Variants in PHACTR1 observed in about 807,000 individuals in gnomAD.
The protein encoded by PHACTR1 is phosphatase and actin regulator 1, also known as RPEL repeat containing 1.
PHACTR1 carries 16 observed loss-of-function variants against 69.2 expected under a neutral mutation model. The observed-to-expected ratio is 0.23, with a 90% CI of 0.16 to 0.35. PHACTR1 has a LOEUF of 0.35. Among genes scored for constraint, PHACTR1 ranks in the 10% least tolerant of loss-of-function variants. The probability of loss-of-function intolerance (pLI) is 1.00; values close to 1 mark genes in which losing one functional copy is unlikely to be tolerated. For missense variants in PHACTR1, 510 were observed against 734.7 expected (o/e 0.69, Z 3.54); for synonymous variants, 312 against 284.5 (o/e 1.10, Z -0.97).
intron 3 of PHACTR1, among the ~76,000 whole-genome samples, chr6:12,720,847 C>T (rs1311340842): frequency 6.6e-6 from 1 of 152,202 alleles, no homozygotes; most frequent in African/African-American, 2.4e-5. Flanking sequence ...CACCTAATCC[C>T]GTTTTCTCCT....
At chr6:13,178,320 A>T (rs1344673681) in intron 6 of PHACTR1, among the ~76,000 whole-genome samples, 1 of 152,190 alleles carries the variant, frequency 6.6e-6, no homozygotes, top group Non-Finnish European at 1.5e-5. Context: ...TGTCTGTCCC[A>T]TGTTAGCCAC....
intron 4 of PHACTR1, among the ~76,000 whole-genome samples, chr6:12,777,863 C>T (rs187023195): frequency 5.2e-4 from 79 of 152,268 alleles, no homozygotes; most frequent in Admixed American, 2.2e-3. Context: ...AACTCCTGAC[C>T]TCAGGTGATC....
At chr6:12,916,716 T>C (rs11964523) in intron 4 of PHACTR1, among the ~76,000 whole-genome samples, 1,947 of 152,302 alleles carry the variant, frequency 0.013, 47 homozygotes, top group African/African-American at 0.044. Flanking sequence ...ATGGTCAGGA[T>C]ACCTATCTTG....
rs1767147352 is a variant in PHACTR1, at chr6:12,755,078, GTTGGGTAATTAGATTTTC to G, written c.250+5291_250+5308del. ...GAAACAACTTGAACACAGAATCTAT[GTTGGGTAATTAGATTTTC>G]TTAGACTCTTTGGTCTGAGCATCAT... On this transcript the variant is annotated intron_variant, in intron 4 of 14. Transcript: ENST00000332995. 3.9e-5 allele frequency among the ~76,000 whole-genome samples: 6 copies of G among 152,272 alleles called. No individual in the cohort carries two copies. In the South Asian group the frequency reaches 8.3e-4, roughly 21 times the overall value.
intron 4 of PHACTR1, among the ~76,000 whole-genome samples, chr6:12,830,092 G>A (rs1393457103): frequency 7.3e-5 from 8 of 109,144 alleles, no homozygotes; most frequent in African/African-American, 3.0e-4. Flanking sequence ...AAGGAAGGAG[G>A]GAAAGAAAGA....
At chr6:12,940,537 A>G (rs1216534859) in intron 4 of PHACTR1, among the ~76,000 whole-genome samples, 1 of 152,236 alleles carries the variant, frequency 6.6e-6, no homozygotes, top group African/African-American at 2.4e-5. Context: ...AATTCGTAAT[A>G]GATGAAAAGC....
intron 10 of PHACTR1, among the ~76,000 whole-genome samples, chr6:13,248,490 G>C (rs944603244): frequency 6.6e-6 from 1 of 151,750 alleles, no homozygotes; most frequent in African/African-American, 2.4e-5. Flanking sequence ...TATGGAACAT[G>C]TTTTGAACTT....
At chr6:12,757,092 G>A (rs563657676) in intron 4 of PHACTR1, among the ~76,000 whole-genome samples, 2 of 152,278 alleles carry the variant, frequency 1.3e-5, no homozygotes, top group South Asian at 4.2e-4. Flanking sequence ...AAATGAATAA[G>A]GCAGACTAAG....
chr6:12,758,255 C>G (rs1406281454), intron 4 of PHACTR1, among the ~76,000 whole-genome samples: 1 of 151,806 alleles, frequency 6.6e-6, no homozygotes, highest in Non-Finnish European at 1.5e-5. Flanking sequence ...CCAGCCTGAC[C>G]AACATGGTGA....
chr6:13,019,820 C>G (rs1800710048), intron 4 of PHACTR1, among the ~76,000 whole-genome samples: 1 of 152,166 alleles, frequency 6.6e-6, no homozygotes, highest in African/African-American at 2.4e-5. Context: ...TGTTTCCTAG[C>G]CCTAAACTTC....
intron 4 of PHACTR1, among the ~76,000 whole-genome samples, chr6:12,819,104 A>G (rs1263062920): frequency 6.6e-6 from 1 of 152,220 alleles, no homozygotes. Context: ...TTCCACCGCC[A>G]AAACCTCGGC....
At chr6:12,783,214 T>C (rs965958430) in intron 4 of PHACTR1, among the ~76,000 whole-genome samples, 5 of 152,200 alleles carry the variant, frequency 3.3e-5, no homozygotes, top group African/African-American at 1.2e-4. Context: ...CCTGCATCCA[T>C]TGCCCAGGTA....
intron 10 of PHACTR1, among the ~76,000 whole-genome samples, chr6:13,249,234 C>G (rs1774011504): frequency 1.3e-5 from 2 of 152,182 alleles, no homozygotes; most frequent in South Asian, 4.2e-4. Context: ...TGCCTCCTGC[C>G]AGATCAGTGG....
At position 13,283,666 on chromosome 6, in the gene PHACTR1, G is replaced by A. The variant is rs568435313; in HGVS notation, c.1650+104G>A. The A allele has an allele frequency of 1.2e-4, 190 of 1,551,866 alleles. No homozygotes were observed. Among genetic ancestry groups the A allele is most frequent in the Middle Eastern group, 4.0e-4 (2 of 5,036 alleles). The stretch of plus-strand genomic sequence containing the variant: ...TAGGGAGACCTGCAGCCAGGCCTCA[G>A]CCGCAGTCCCCATAATGGAGTGTTG... On this transcript the variant is annotated intron_variant, in intron 13 of 14. Coordinates refer to ENST00000332995, the MANE Select transcript of PHACTR1 (RefSeq NM_030948.6). This position sits in a 1 kb window ranked among gnomAD's most constrained non-coding sequence, Gnocchi z 4.7.
chr6:12,970,477 A>G (rs1374497368), intron 4 of PHACTR1, among the ~76,000 whole-genome samples: 1 of 152,104 alleles, frequency 6.6e-6, no homozygotes, highest in Non-Finnish European at 1.5e-5. Context: ...ATCCACCAAA[A>G]AGCCATTCTT....
chr6:13,173,758 G>T (rs538965893), intron 6 of PHACTR1, among the ~76,000 whole-genome samples: 3 of 152,272 alleles, frequency 2.0e-5, no homozygotes, highest in South Asian at 2.1e-4. Context: ...GCCCAGGCTG[G>T]AATGCAATGG....
intron 7 of PHACTR1, among the ~76,000 whole-genome samples, chr6:13,202,767 G>A (rs1267217321): frequency 6.6e-6 from 1 of 152,198 alleles, no homozygotes. Flanking sequence ...GTGGGCCACC[G>A]CGCCCGCCTG....
At chr6:13,212,507 A>T (rs544755726) in intron 8 of PHACTR1, among the ~76,000 whole-genome samples, 1 of 152,186 alleles carries the variant, frequency 6.6e-6, no homozygotes, top group South Asian at 2.1e-4. Context: ...GCATCAGGTT[A>T]TGTGTTTCTC....
At chr6:13,202,792 A>C (rs1401104177) in intron 7 of PHACTR1, among the ~76,000 whole-genome samples, 1 of 152,222 alleles carries the variant, frequency 6.6e-6, no homozygotes, top group Non-Finnish European at 1.5e-5. Flanking sequence ...GAAGCTTCTA[A>C]GAGCTATGTA....
Sources: gnomAD v4.1 joint callset for allele counts (sites outside exome capture counted in the v4.1 genomes callset) on GRCh38, gnomAD v4.1.1 for gene constraint, Gnocchi (gnomAD v3.1) non-coding constraint, MANE v1.5 for transcripts, NCBI Gene and HGNC (gene_info 2026-07-23, HGNC 2026-07-21) for gene names.